GNAI2: variants seen among roughly 807,000 people sequenced by gnomAD.
The protein encoded by GNAI2 is guanine nucleotide-binding protein G(i) subunit alpha-2.
Under a neutral mutation model 36.8 loss-of-function variants are expected in GNAI2, and 4 were observed. The ratio of observed to expected loss-of-function variants is 0.11; its 90% confidence interval spans 0.05 to 0.25. The LOEUF (loss-of-function observed/expected upper bound fraction) is 0.25. Ranked by LOEUF, GNAI2 falls within the 10% of genes least tolerant of loss-of-function variation. The probability of loss-of-function intolerance (pLI) is 1.00; values close to 1 mark genes in which losing one functional copy is unlikely to be tolerated. For synonymous variants in GNAI2, 194 were observed against 194.1 expected (o/e 1.00, Z 0.01); for missense variants, 230 against 481.3 (o/e 0.48, Z 4.89).
In GNAI2 at chr3:50,259,210, GC is replaced by G. The variant is rs1367391156; in HGVS notation, c.*869del. On this transcript the variant is annotated 3_prime_UTR_variant, in exon 9 of 9. Coordinates refer to ENST00000313601, the MANE Select transcript of GNAI2 (RefSeq NM_002070.4). ...GCTCCCTAGCGCTAACCTAGGAACC[GC>G]CGCTGCCTGCTGGGGGGCCACGCCC... 2.2e-4 allele frequency: 48 copies of G among 216,302 alleles called. No individual in the cohort carries two copies. Among genetic ancestry groups the G allele is most frequent in the South Asian group, 1.9e-3 (34 of 17,714 alleles). The allele number at this position is 216,302 out of a possible 1,614,324, so 13.4% of individuals were successfully genotyped here.
At chr3:50,246,869 A>G (rs1700436759) in intron 1 of GNAI2, 2 of 1,428,928 alleles carry the variant, frequency 1.4e-6, no homozygotes, top group Non-Finnish European at 1.8e-6. Context: ...AAGTGACGAC[A>G]CAGCGGAAAG....
At chr3:50,232,106 G>GA (rs1700077838), upstream of GNAI2, among the ~76,000 whole-genome samples, 1 of 151,970 alleles carries the variant, frequency 6.6e-6, no homozygotes, top group Non-Finnish European at 1.5e-5. Context: ...GAGGCAGGCA[G>GA]ATCATCTGAG....
chr3:50,240,424 C>T (rs782626922), intron 1 of GNAI2, among the ~76,000 whole-genome samples: 14 of 152,124 alleles, frequency 9.2e-5, no homozygotes, highest in Non-Finnish European at 1.9e-4. Flanking sequence ...GGGGAAAGGG[C>T]CACCCTCCCT....
Position 50,252,203 on chromosome 3 carries a change from C to T in GNAI2, c.161+61C>T, listed in dbSNP as rs12721536. On this transcript the variant is annotated intron_variant, in intron 2 of 8. Coordinates refer to ENST00000313601, the MANE Select transcript of GNAI2 (RefSeq NM_002070.4). The surrounding 1 kb of genome is among the most constrained non-coding windows in gnomAD (Gnocchi z 4.1). ...CAGCTTCCCCTCTTCACCCTCTGGGCCTGCACTGCCCCCGACTACAGGCCC... is the reference window on the plus strand; with the variant it reads ...CAGCTTCCCCTCTTCACCCTCTGGGTCTGCACTGCCCCCGACTACAGGCCC... 77,378 of 1,520,100 alleles carry T rather than the reference C, an allele frequency of 0.051. 2,253 individuals carry two copies. Among genetic ancestry groups the T allele is most frequent in the Non-Finnish European group, 0.057 (62,786 of 1,098,838 alleles). The allele number at this position is 1,520,100 out of a possible 1,614,324, so 94.2% of individuals were successfully genotyped here. A position where few individuals can be genotyped will look rare whatever the true frequency, so the allele number is the denominator to read the frequency against.
At position 50,244,324 on chromosome 3, in the gene GNAI2, C is replaced by T. The variant is rs4688741; in HGVS notation, c.119-7776C>T. Among the ~76,000 whole-genome samples, 8,131 of 152,210 alleles carry T rather than the reference C, an allele frequency of 0.053. 1,545 individuals are homozygous for T. The East Asian group carries it at 0.6, about 11-fold the overall frequency. The stretch of plus-strand genomic sequence containing the variant: ...GATTACAGGTGTGAGCCACTGCGCC[C>T]GGCTGCAGCTGCACCTTTTGACTTC... On this transcript the variant is annotated intron_variant, in intron 1 of 8. Transcript: ENST00000313601.
chr3:50,256,829 G>A lies in GNAI2; in HGVS notation c.700G>A (p.Val234Met), dbSNP rs1180429014. The A allele has an allele frequency of 6.2e-7, 1 of 1,614,094 alleles. No homozygotes were observed. Among genetic ancestry groups the A allele is most frequent in the Non-Finnish European group, 8.5e-7 (1 of 1,180,034 alleles). ...FCVALSAYDL[V>M]LAEDEEMNRM... ...CGTAGCCTTGAGCGCCTATGACTTG[G>A]TGCTAGCTGAGGACGAGGAGATGGT... is the stretch of plus-strand genomic sequence containing the variant. Residue 234 changes from valine (V) to methionine (M), a missense_variant, in exon 6 of 9, where the codon GTG (valine) becomes ATG (methionine). Coordinates refer to ENST00000313601, the MANE Select transcript of GNAI2 (RefSeq NM_002070.4).
upstream of GNAI2, among the ~76,000 whole-genome samples, chr3:50,234,544 G>A (rs1553700113): frequency 6.6e-6 from 1 of 152,070 alleles, no homozygotes; most frequent in Non-Finnish European, 1.5e-5. Context: ...TAGAGACAGG[G>A]TTTCTCCATG....
At chr3:50,250,019 T>A (rs1700517204) in intron 1 of GNAI2, among the ~76,000 whole-genome samples, 1 of 152,144 alleles carries the variant, frequency 6.6e-6, no homozygotes, top group Non-Finnish European at 1.5e-5. Context: ...ACCAGGTACT[T>A]AGGACAGCTC....
At chr3:50,236,055 G>A, upstream of GNAI2, 1 of 412,128 alleles carries the variant, frequency 2.4e-6, no homozygotes, top group Non-Finnish European at 3.4e-6. This position sits in a 1 kb window ranked among gnomAD's most constrained non-coding sequence, Gnocchi z 4.0. Context: ...TTCCCCCTTC[G>A]CTCCGCCCTC....
Position 50,256,338 on chromosome 3 carries a change from C to G in GNAI2, c.593+18C>G. ...CACTTCAAGTGAGCGAGCATGTGGA[C>G]AGGTGGGAGGGGCAGGACCTGCCAG... On this transcript the variant is annotated intron_variant, in intron 5 of 8. Coordinates refer to ENST00000313601, the MANE Select transcript of GNAI2 (RefSeq NM_002070.4). The G allele has an allele frequency of 6.2e-7, 1 of 1,612,956 alleles. No individual in the cohort carries two copies. The highest frequency in any genetic ancestry group is 1.1e-5 in the South Asian group (1 of 91,074).
intron 1 of GNAI2, among the ~76,000 whole-genome samples, chr3:50,249,587 A>C (rs1387308191): frequency 1.3e-5 from 2 of 152,176 alleles, no homozygotes; most frequent in Non-Finnish European, 2.9e-5. Context: ...TTGCTGCCCC[A>C]GCCACAGCGC....
In GNAI2 at chr3:50,236,410, G is replaced by C. The variant is rs587618141; in HGVS notation, c.75G>C (p.Glu25Asp). The change falls in exon 1 of 9, where the codon GAG becomes GAC. Residue 25 changes from glutamate (E) to aspartate (D), a missense_variant. Transcript: ENST00000313601. This position sits in a 1 kb window ranked among gnomAD's most constrained non-coding sequence, Gnocchi z 4.0. The part of the protein sequence containing the change: ...RSKMIDKNLR[E>D]DGEKAAREVK... ...AGATGATCGACAAGAACCTGCGGGA[G>C]GACGGAGAGAAGGCGGCGCGGGAGG... 1.6e-5 allele frequency: 25 copies of C among 1,579,116 alleles called. No homozygotes were observed. In the Admixed American group the frequency reaches 2.6e-4, roughly 16 times the overall value.
chr3:50,240,778 G>C (rs1553700948), intron 1 of GNAI2, among the ~76,000 whole-genome samples: 3 of 152,014 alleles, frequency 2.0e-5, no homozygotes, highest in Non-Finnish European at 4.4e-5. Context: ...AATTAGCCAG[G>C]TATGGTGGTA....
At position 50,243,485 on chromosome 3, in the gene GNAI2, C is replaced by T. The variant is rs1009638115; in HGVS notation, c.118+7032C>T. ...ACTCTGGGTTTCCCCTGCTGGGGGG[C>T]GGACAAAGGATCCCTGGCCTCAGCC... On this transcript the variant is annotated intron_variant, in intron 1 of 8. Transcript: ENST00000313601. Among the ~76,000 whole-genome samples, 13 of 152,232 alleles carry T rather than the reference C, an allele frequency of 8.5e-5. No individual in the cohort carries two copies. The East Asian group carries it at 2.3e-3, about 27-fold the overall frequency.
intron 6 of GNAI2, 35 bp from the exon 7 acceptor site, chr3:50,256,902 G>A: frequency 2.5e-6 from 4 of 1,613,610 alleles, no homozygotes; most frequent in Non-Finnish European, 3.4e-6. Flanking sequence ...CTTGGGGAGT[G>A]GTGGCTAGCG....
chr3:50,228,080 C>G (rs1161910113), upstream of GNAI2, among the ~76,000 whole-genome samples: 6 of 152,170 alleles, frequency 3.9e-5, no homozygotes, highest in African/African-American at 1.4e-4. Flanking sequence ...AAACTCACTC[C>G]CGTTATAATT....
At chr3:50,257,226 A>G in intron 7 of GNAI2, 136 bp downstream of exon 7, 1 of 735,560 alleles carries the variant, frequency 1.4e-6, no homozygotes, top group Non-Finnish European at 2.3e-6. Flanking sequence ...CTGGTGCCTC[A>G]CTTAGGCTTG....
At position 50,256,969 on chromosome 3, in the gene GNAI2, T is replaced by C. The variant is rs1575457263; in HGVS notation, c.756T>C (p.Asp252=). The change falls in exon 7 of 9, where the codon GAT becomes GAC. Residue 252 remains aspartate (D), a synonymous_variant. Transcript: ENST00000313601. ...NRMHESMKLF[D]SICNNKWFTD... is the part of the protein sequence containing the mutation. Reference sequence around the variant, plus strand: ...TGCATGAGAGCATGAAGCTATTCGATAGCATCTGCAACAACAAGTGGTTCA... The same window carrying C: ...TGCATGAGAGCATGAAGCTATTCGACAGCATCTGCAACAACAAGTGGTTCA... 2 of 1,614,164 alleles carry C rather than the reference T, an allele frequency of 1.2e-6. No individual in the cohort carries two copies. The highest frequency in any genetic ancestry group is 2.2e-5 in the South Asian group (2 of 91,082).
At chr3:50,245,919 G>A (rs1222361542) in intron 1 of GNAI2, among the ~76,000 whole-genome samples, 2 of 152,382 alleles carry the variant, frequency 1.3e-5, no homozygotes, top group East Asian at 3.9e-4. Flanking sequence ...GCCGCTGGAG[G>A]CAGCCGAGTG....
Sources: allele counts gnomAD v4.1 joint callset (sites outside exome capture counted in the v4.1 genomes callset), GRCh38; gene constraint gnomAD v4.1.1; non-coding constraint Gnocchi (gnomAD v3.1); transcripts MANE v1.5; gene names NCBI Gene and HGNC (gene_info 2026-07-23, HGNC 2026-07-21).